The following ZNF251 variants were observed in gnomAD, a reference collection of about 807,000 sequenced individuals.
ZNF251 encodes zinc finger protein 251.
Under a neutral mutation model 13.5 loss-of-function variants are expected in ZNF251, and 14 were observed. The ratio of observed to expected loss-of-function variants is 1.04; its 90% CI spans 0.69 to 1.63. The LOEUF (loss-of-function observed/expected upper bound fraction) is 1.63. ZNF251 is among the 40% of genes most tolerant of loss of function. The probability of loss-of-function intolerance (pLI) is 0.00; values close to 1 mark genes in which losing one functional copy is unlikely to be tolerated. For missense variants in ZNF251, 764 were observed against 834.9 expected, an observed-to-expected ratio of 0.92 and a Z score of 1.05; for synonymous variants, 287 against 295.2, an observed-to-expected ratio of 0.97 and a Z score of 0.28.
chr8:144,748,844 C>A (rs1313512887), intron 4 of ZNF251, among the ~76,000 whole-genome samples: 1 of 152,142 alleles, frequency 6.6e-6, no homozygotes, highest in Non-Finnish European at 1.5e-5. Context: ...ATTACAGGAG[C>A]CATCACTCCT....
intron 4 of ZNF251, among the ~76,000 whole-genome samples, chr8:144,751,777 G>A (rs1046394323): frequency 3.9e-5 from 6 of 152,066 alleles, no homozygotes; most frequent in African/African-American, 1.4e-4. Flanking sequence ...AAGATTGTTA[G>A]GATGAAGAAA....
At chr8:144,741,121 A>G (rs1824144098) in intron 4 of ZNF251, among the ~76,000 whole-genome samples, 1 of 152,238 alleles carries the variant, frequency 6.6e-6, no homozygotes, top group African/African-American at 2.4e-5. Context: ...CAGCATCGCA[A>G]ACGCAGACGG....
intron 4 of ZNF251, among the ~76,000 whole-genome samples, chr8:144,752,382 A>G (rs1481174948): frequency 6.6e-6 from 1 of 152,206 alleles, no homozygotes; most frequent in Non-Finnish European, 1.5e-5. Flanking sequence ...TGACAATAAC[A>G]ATAAGATAAC....
chr8:144,732,761 A>G (rs7827796), intron 4 of ZNF251, among the ~76,000 whole-genome samples: 114 of 149,388 alleles, frequency 7.6e-4, no homozygotes, highest in South Asian at 2.6e-3. Flanking sequence ...GCAGTGAGCC[A>G]AGATCGCACC....
At chr8:144,754,481 G>A (rs1824860504) in intron 2 of ZNF251, 160 bp from the exon 3 acceptor site, 2 of 1,445,614 alleles carry the variant, frequency 1.4e-6, no homozygotes, top group Non-Finnish European at 1.8e-6. Context: ...GAGCGCTGAG[G>A]ACCAGCCAAC....
At chr8:144,732,646 A>G (rs971542864) in intron 4 of ZNF251, among the ~76,000 whole-genome samples, 3 of 151,666 alleles carry the variant, frequency 2.0e-5, no homozygotes, top group African/African-American at 7.3e-5. Context: ...CCCCGTCTCT[A>G]CTAAAAATAC....
chr8:144,742,932 G>A (rs888860247), intron 4 of ZNF251, among the ~76,000 whole-genome samples: 1 of 152,290 alleles, frequency 6.6e-6, no homozygotes, highest in East Asian at 1.9e-4. Flanking sequence ...CCACATATAA[G>A]TGGACCTGGG....
intron 1 of ZNF251, 151 bp from the exon 2 acceptor site, chr8:144,754,954 C>T: frequency 1.4e-6 from 2 of 1,406,226 alleles, no homozygotes; most frequent in Non-Finnish European, 1.8e-6. Context: ...TGCTCAGTGA[C>T]TCCTGAAATC....
chr8:144,752,265 G>T (rs2130102549), intron 4 of ZNF251, among the ~76,000 whole-genome samples: 1 of 152,134 alleles, frequency 6.6e-6, no homozygotes, highest in Middle Eastern at 3.4e-3. Flanking sequence ...AGTGCACGTG[G>T]TATTTGTACT....
chr8:144,736,354 AG>A (rs1361385532), intron 4 of ZNF251, among the ~76,000 whole-genome samples: 1 of 152,164 alleles, frequency 6.6e-6, no homozygotes, highest in African/African-American at 2.4e-5. Flanking sequence ...GTACTTTATA[AG>A]GGGGCCCAAG....
In ZNF251 at chr8:144,722,397, A is replaced by C; in HGVS notation, c.1263T>G (p.Thr421=). The C allele has an allele frequency of 6.2e-7, 1 of 1,614,028 alleles. No homozygotes were observed. The highest frequency in any genetic ancestry group is 8.5e-7 in the Non-Finnish European group (1 of 1,179,908). Residue 421 remains threonine (T), a synonymous_variant, in exon 5 of 5, where the codon ACT becomes ACG. Transcript: ENST00000292562. This position sits in a 1 kb window ranked among gnomAD's most constrained non-coding sequence, Gnocchi z 4.8. The part of the protein sequence containing the change: ...GRAFGFNSHL[T]EHVRIHTGEK... ...CTCCTGTGTGAATCCTTACGTGTTC[A>C]GTAAGATGAGAGTTAAAACCAAAGG...
Position 144,749,870 on chromosome 8 carries a change from CTTTTCTTTT to C in ZNF251, c.277+3804_277+3812del, listed in dbSNP as rs1231578924. ...TAAAAAATTCTTAAAATTTCTTTTT[CTTTTCTTTT>C]TTTTCTTTTTTTTTTTTTTTTAAGA... On this transcript the variant is annotated intron_variant, in intron 4 of 4. Coordinates refer to ENST00000292562, the MANE Select transcript of ZNF251 (RefSeq NM_138367.2). Among the ~76,000 whole-genome samples, 6 of 134,630 alleles carry C rather than the reference CTTTTCTTTT, an allele frequency of 4.5e-5. No homozygotes were observed. In the South Asian group the frequency reaches 1.1e-3, roughly 25 times the overall value. 88.3% of individuals were successfully genotyped at this position (134,630 alleles called of 152,430 possible). A position where few individuals can be genotyped will look rare whatever the true frequency, so the allele number is the denominator to read the frequency against.
At chr8:144,755,136 CA>C (rs1464763130) in intron 1 of ZNF251, 24 of 1,205,266 alleles carry the variant, frequency 2.0e-5, no homozygotes, top group Non-Finnish European at 2.3e-5. Flanking sequence ...GCAGCCTCAC[CA>C]AGGCTGAGGA....
chr8:144,732,572 G>A (rs747164845), intron 4 of ZNF251, among the ~76,000 whole-genome samples: 1 of 151,966 alleles, frequency 6.6e-6, no homozygotes, highest in Non-Finnish European at 1.5e-5. Flanking sequence ...CAGCACTTGG[G>A]GAGGCCAAGG....
At chr8:144,736,645 C>T (rs1823908129) in intron 4 of ZNF251, among the ~76,000 whole-genome samples, 1 of 151,906 alleles carries the variant, frequency 6.6e-6, no homozygotes, top group Non-Finnish European at 1.5e-5. Flanking sequence ...GCAGGCGCCA[C>T]CACGCCCAGC....
intron 1 of ZNF251, 156 bp from the exon 2 acceptor site, chr8:144,754,959 G>T: frequency 1.4e-6 from 2 of 1,404,656 alleles, no homozygotes; most frequent in Non-Finnish European, 1.8e-6. Context: ...AGTGACTCCT[G>T]AAATCCCAGA....
Position 144,734,339 on chromosome 8 carries a change from C to T in ZNF251, c.278-10957G>A, listed in dbSNP as rs543095225. On this transcript the variant is annotated intron_variant, in intron 4 of 4. Coordinates refer to ENST00000292562, the MANE Select transcript of ZNF251 (RefSeq NM_138367.2). This position sits in a 1 kb window ranked among gnomAD's most constrained non-coding sequence, Gnocchi z 4.4. ...TTGTCCCTGTGGCTGTCGGCCCTGT[C>T]CCCCAACTCCAGCGGGTGTCACGGG... 1.3e-5 allele frequency among the ~76,000 whole-genome samples: 2 copies of T among 152,238 alleles called. No individual in the cohort carries two copies. The highest frequency in any genetic ancestry group is 2.9e-5 in the Non-Finnish European group (2 of 68,044).
intron 4 of ZNF251, among the ~76,000 whole-genome samples, chr8:144,741,019 C>A (rs1455037628): frequency 6.6e-6 from 1 of 152,154 alleles, no homozygotes; most frequent in Non-Finnish European, 1.5e-5. Flanking sequence ...TCAAGGACAA[C>A]AGGAGGCCCT....
chr8:144,755,321 G>A (rs1824910064), intron 1 of ZNF251, 84 bp downstream of exon 1: 1 of 1,281,004 alleles, frequency 7.8e-7, no homozygotes, highest in Admixed American at 2.3e-5. Context: ...CTCCTGGACT[G>A]GCCGCCGCCT....
Sources: gnomAD v4.1 joint callset for allele counts (sites outside exome capture counted in the v4.1 genomes callset) on GRCh38, gnomAD v4.1.1 for gene constraint, Gnocchi (gnomAD v3.1) non-coding constraint, MANE v1.5 for transcripts, NCBI Gene and HGNC (gene_info 2026-07-23, HGNC 2026-07-21) for gene names.